CHD7: variants seen among roughly 807,000 people sequenced by gnomAD.
CHD7 encodes the protein ATP-dependent chromatin remodeler CHD7.
In CHD7, 24 loss-of-function variants were observed where a neutral mutation model predicts 307.3. The ratio of observed to expected loss-of-function variants is 0.08; its 90% CI spans 0.06 to 0.11. The LOEUF is 0.11. Among genes scored for constraint, CHD7 ranks in the 10% least tolerant of loss-of-function variants. CHD7 has a pLI of 1.00. For missense variants in CHD7, 3,106 were observed against 3,727.1 expected (o/e 0.83, Z 4.34); for synonymous variants, 1,363 against 1,349.9 (o/e 1.01, Z -0.21).
chr8:60,819,881 A>G (rs1803944550), intron 8 of CHD7, 126 bp from the exon 9 acceptor site: 1 of 653,784 alleles, frequency 1.5e-6, no homozygotes, highest in Admixed American at 2.5e-5. Flanking sequence ...TTAATATAAT[A>G]GAATTTGCCA....
Position 60,704,439 on chromosome 8 carries a change from C to T in CHD7, c.-175+25357C>T, listed in dbSNP as rs544684125. On this transcript the variant is annotated intron_variant, in intron 1 of 37. Coordinates refer to ENST00000423902, the MANE Select transcript of CHD7 (RefSeq NM_017780.4). ...GTTCAGAAGATGTAGAAAGACTCAC[C>T]TGAGGAAGGCAAGCTTGGGCTGGGG... 2.6e-5 allele frequency among the ~76,000 whole-genome samples: 4 copies of T among 152,044 alleles called. No homozygotes were observed. In the East Asian group the frequency reaches 7.7e-4, roughly 29 times the overall value.
chr8:60,760,414 A>G (rs940924216), intron 2 of CHD7, among the ~76,000 whole-genome samples: 1 of 147,720 alleles, frequency 6.8e-6, no homozygotes, highest in South Asian at 2.3e-4. Context: ...AGGCATTACC[A>G]TTCAGGACAT....
chr8:60,823,724 C>A, intron 12 of CHD7, 116 bp from the exon 13 acceptor site: 2 of 875,660 alleles, frequency 2.3e-6, no homozygotes, highest in Non-Finnish European at 1.8e-6. Flanking sequence ...TGTATGTCAC[C>A]TAAAATAAAG....
At chr8:60,709,015 T>C (rs937123851) in intron 1 of CHD7, among the ~76,000 whole-genome samples, 1 of 152,202 alleles carries the variant, frequency 6.6e-6, no homozygotes, top group African/African-American at 2.4e-5. Context: ...CTCATTGCTC[T>C]GTTTCTCCTC....
intron 23 of CHD7, 80 bp downstream of exon 23, chr8:60,845,489 T>C: frequency 6.9e-7 from 1 of 1,454,898 alleles, no homozygotes; most frequent in African/African-American, 1.4e-5. Context: ...GCCCTTCACG[T>C]CTGCAGATGC....
intron 1 of CHD7, among the ~76,000 whole-genome samples, chr8:60,697,649 C>T (rs1284773055): frequency 4.6e-5 from 7 of 151,944 alleles, no homozygotes; most frequent in Admixed American, 1.3e-4. Flanking sequence ...AAAAAAAAGT[C>T]GTGGAATTGA....
chr8:60,806,199 A>C (rs559829353), intron 6 of CHD7, among the ~76,000 whole-genome samples: 1 of 152,138 alleles, frequency 6.6e-6, no homozygotes, highest in South Asian at 2.1e-4. Flanking sequence ...CGTCTCTACT[A>C]AAAATACAAA....
intron 1 of CHD7, among the ~76,000 whole-genome samples, chr8:60,714,333 GC>G (rs1327246795): frequency 6.6e-6 from 1 of 151,434 alleles, no homozygotes; most frequent in East Asian, 2.0e-4. Context: ...GTGGCTCGGG[GC>G]CGGAGCTGCG....
Position 60,678,995 on chromosome 8 carries a change from T to C in CHD7, c.-262T>C, listed in dbSNP as rs1343872469. 1 of 151,376 alleles carries C rather than the reference T, an allele frequency of 6.6e-6. No individual in the cohort carries two copies. Among genetic ancestry groups the C allele is most frequent in the Non-Finnish European group, 1.5e-5 (1 of 67,924 alleles). The allele number at this position is 151,376 out of a possible 1,614,324, so 9.4% of individuals were successfully genotyped here. On this transcript the variant is annotated 5_prime_UTR_variant, in exon 1 of 38. Coordinates refer to ENST00000423902, the MANE Select transcript of CHD7 (RefSeq NM_017780.4). ...CTCCGTGCCCGTGGATTCAGCCCCC[T>C]GGCCGCAGCTGCCGAGCCAACTCCG... is the stretch of plus-strand genomic sequence containing the variant.
intron 3 of CHD7, 59 bp downstream of exon 3, chr8:60,781,489 A>G (rs1811230022): frequency 3.4e-6 from 5 of 1,472,762 alleles, no homozygotes; most frequent in Non-Finnish European, 4.5e-6. Context: ...ATTAGCGCCA[A>G]ATAGTTACAG....
chr8:60,713,183 C>T (rs1385106033), intron 1 of CHD7, among the ~76,000 whole-genome samples: 1 of 152,074 alleles, frequency 6.6e-6, no homozygotes, highest in Non-Finnish European at 1.5e-5. Flanking sequence ...GCCATCTCCA[C>T]TCACTGCAAC....
intron 2 of CHD7, among the ~76,000 whole-genome samples, chr8:60,780,257 G>A (rs1338876297): frequency 6.6e-6 from 1 of 152,104 alleles, no homozygotes; most frequent in African/African-American, 2.4e-5. Flanking sequence ...GATAGTCTCT[G>A]GGTGTATCCC....
At chr8:60,825,372 TC>T (rs1804215230) in intron 13 of CHD7, 1 of 152,236 alleles carries the variant, frequency 6.6e-6, no homozygotes, top group Admixed American at 6.5e-5. Context: ...CCATTTTTCT[TC>T]CTAATGAATT....
At position 60,852,112 on chromosome 8, in the gene CHD7, A is replaced by G. The variant is rs768950252; in HGVS notation, c.5759A>G (p.Tyr1920Cys). The part of the protein sequence containing the change: ...TTRLRRLITA[Y>C]QRSYKRQQMR... Reference sequence around the variant, plus strand: ...CGTCTGCGCCGGCTCATTACTGCCTATCAGCGCAGCTATAAAAGGCAACAG... The same window carrying G: ...CGTCTGCGCCGGCTCATTACTGCCTGTCAGCGCAGCTATAAAAGGCAACAG... Residue 1920 changes from tyrosine to cysteine, a missense_variant, in exon 29 of 38, where the codon TAT becomes TGT. Tyr to Cys is a radical substitution (Grantham distance 194). Coordinates refer to ENST00000423902, the MANE Select transcript of CHD7 (RefSeq NM_017780.4). 6.2e-6 allele frequency: 10 copies of G among 1,613,906 alleles called. No homozygotes were observed. Among genetic ancestry groups the G allele is most frequent in the Non-Finnish European group, 8.5e-6 (10 of 1,179,898 alleles).
Position 60,741,961 on chromosome 8 carries a change from C to T in CHD7, c.529C>T (p.Pro177Ser), listed in dbSNP as rs1459060139. 6.2e-7 allele frequency: 1 copy of T among 1,613,528 alleles called. No individual in the cohort carries two copies. The highest frequency in any genetic ancestry group is 8.5e-7 in the Non-Finnish European group (1 of 1,179,740). ...PQPPQPAPSG[P>S]PAQGHPQHMQ... ...GCCACCGCAGCCGGCTCCGTCGGGG[C>T]CCCCTGCACAGGGCCACCCTCAGCA... Residue 177 changes from proline to serine, a missense_variant, in exon 2 of 38, where the codon CCC (proline) becomes TCC (serine). Physicochemically the swap from Pro to Ser is moderately conservative, Grantham distance 74. Around this residue, in one of 10 missense-constraint regions of CHD7, gnomAD observed 998 missense variants for 1,004.5 expected, o/e 0.99. Transcript: ENST00000423902.
chr8:60,679,117 G>GGGC (rs757833708), intron 1 of CHD7, 35 bp downstream of exon 1: 75 of 155,732 alleles, frequency 4.8e-4, no homozygotes, highest in African/African-American at 1.0e-3. Flanking sequence ...CCCCCGGGAG[G>GGGC]GGCGGCGGCG....
chr8:60,679,983 C>T (rs1266494933), intron 1 of CHD7, among the ~76,000 whole-genome samples: 1 of 151,702 alleles, frequency 6.6e-6, no homozygotes, highest in Non-Finnish European at 1.5e-5. Flanking sequence ...GGAGCGGGGC[C>T]GGGGCGAGCG....
rs932989169 is a variant in CHD7, at chr8:60,745,642, A to G, written c.1665+2545A>G. ...TTGCTCATTGATTATTTGCTTTCTT[A>G]TTTCTGCTTAACTTTGCATCCTCTT... On this transcript the variant is annotated intron_variant, in intron 2 of 37. Coordinates refer to ENST00000423902, the MANE Select transcript of CHD7 (RefSeq NM_017780.4). Among the ~76,000 whole-genome samples, 5 of 152,230 alleles carry G rather than the reference A, an allele frequency of 3.3e-5. No homozygotes were observed. In the South Asian group the frequency reaches 1.0e-3, roughly 32 times the overall value.
rs752869276 is a variant in CHD7, at chr8:60,865,762, G to A, written c.8823G>A (p.Lys2941=). The change falls in exon 38 of 38, where the codon AAG becomes AAA. Residue 2941 remains lysine (K), a synonymous_variant. Transcript: ENST00000423902. This position sits in a 1 kb window ranked among gnomAD's most constrained non-coding sequence, Gnocchi z 4.3. ...CCAGCGAAGAAAAGGCTGCTGACAAGGCTGAGGGAGGACCCTTTAAAGATG... is the reference window on the plus strand; with the variant it reads ...CCAGCGAAGAAAAGGCTGCTGACAAAGCTGAGGGAGGACCCTTTAAAGATG... ...VGSSEEKAAD[K]AEGGPFKDGE... 19 of 1,613,778 alleles carry A rather than the reference G, an allele frequency of 1.2e-5. No homozygotes were observed. The highest frequency in any genetic ancestry group is 1.6e-5 in the Non-Finnish European group (19 of 1,179,734).
Sources: gnomAD v4.1 joint callset for allele counts (sites outside exome capture counted in the v4.1 genomes callset) on GRCh38, gnomAD v4.1.1 for gene constraint, gnomAD v4.1.1 regional missense constraint, Gnocchi (gnomAD v3.1) non-coding constraint, MANE v1.5 for transcripts, NCBI Gene and HGNC (gene_info 2026-07-23, HGNC 2026-07-21) for gene names.